Variants in ZNF605 observed in about 807,000 individuals in gnomAD.
ZNF605 encodes zinc finger protein 605.
A neutral mutation model predicts 7.9 loss-of-function variants in ZNF605; 9 were observed. That is an observed-to-expected ratio of 1.14 (90% CI 0.68 to 1.98). The LOEUF (loss-of-function observed/expected upper bound fraction) is 1.98. Among genes scored for constraint, ZNF605 ranks in the 30% most tolerant of loss-of-function variants. ZNF605 has a pLI of 0.00. For synonymous variants in ZNF605, 255 were observed against 260.1 expected, an observed-to-expected ratio of 0.98 and a Z score of 0.19; for missense variants, 673 against 762.4, an observed-to-expected ratio of 0.88 and a Z score of 1.38.
At chr12:132,929,969 C>T (rs1952290739) in intron 4 of ZNF605, among the ~76,000 whole-genome samples, 2 of 152,182 alleles carry the variant, frequency 1.3e-5, no homozygotes, top group Admixed American at 1.3e-4. Flanking sequence ...ATAAATATGT[C>T]TATCCAAATT....
chr12:132,926,578 T>C lies in ZNF605; in HGVS notation c.721A>G (p.Ile241Val), dbSNP rs1410266041. ...CCAGTATGAATTCTCTGATGTAAAA[T>C]GAGGAGTGACTTCCTACTAAAAGCT... ...QKAFSRKSLL[I>V]LHQRIHTGEK... Residue 241 changes from isoleucine to valine, a missense_variant, in exon 5 of 5, where the codon ATT becomes GTT. Physicochemically the swap from Ile to Val is conservative, Grantham distance 29. Coordinates refer to ENST00000360187, the MANE Select transcript of ZNF605 (RefSeq NM_183238.4). 6.2e-7 allele frequency: 1 copy of C among 1,614,190 alleles called. No individual in the cohort carries two copies. Among genetic ancestry groups the C allele is most frequent in the Non-Finnish European group, 8.5e-7 (1 of 1,180,032 alleles).
rs941244263 is a variant in ZNF605 at position 132,925,220 on chromosome 12, T to C, written c.*153A>G. 6 of 562,192 alleles carry C rather than the reference T, an allele frequency of 1.1e-5. No homozygotes were observed. Among genetic ancestry groups the C allele is most frequent in the South Asian group, 6.1e-5 (2 of 32,840 alleles). 34.8% of individuals were successfully genotyped at this position (562,192 alleles called of 1,614,324 possible). ...TGTTTGCTTTTTAAAAACTTCTCTTTCTAAATTCTGCTTAGTGACTCTTGA... is the reference window on the plus strand; with the variant it reads ...TGTTTGCTTTTTAAAAACTTCTCTTCCTAAATTCTGCTTAGTGACTCTTGA... On this transcript the variant is annotated 3_prime_UTR_variant, in exon 5 of 5. Transcript: ENST00000360187.
rs1245757655 is a variant in ZNF605, at chr12:132,941,802, G to A, written c.15+3819C>T. ...TCCGTCACGCGCCCTTTTCCAGGCT[G>A]CCCTCTGTCACGCTCCTTCTCGAGG... On this transcript the variant is annotated intron_variant, in intron 3 of 4. Transcript: ENST00000360187. This position sits in a 1 kb window ranked among gnomAD's most constrained non-coding sequence, Gnocchi z 5.1. 1.3e-5 allele frequency among the ~76,000 whole-genome samples: 2 copies of A among 151,586 alleles called. No homozygotes were observed. Among genetic ancestry groups the A allele is most frequent in the East Asian group, 3.9e-4 (2 of 5,160 alleles).
At position 132,920,439 on chromosome 12, in the gene ZNF605, T is replaced by A. The variant is rs1303989957; in HGVS notation, c.*4934A>T. The A allele has an allele frequency of 6.6e-6, 1 of 152,236 alleles. No homozygotes were observed. The highest frequency in any genetic ancestry group is 1.5e-5 in the Non-Finnish European group (1 of 68,072). 9.4% of individuals were successfully genotyped at this position (152,236 alleles called of 1,614,324 possible). A position where few individuals can be genotyped will look rare whatever the true frequency, so the allele number is the denominator to read the frequency against. On this transcript the variant is annotated 3_prime_UTR_variant, in exon 5 of 5. Coordinates refer to ENST00000360187, the MANE Select transcript of ZNF605 (RefSeq NM_183238.4). ...CAGGCGTGAGCCACCGCGCCTGGCCTGGTTTATTTAATGTTAGCATTCTGA... is the reference window on the plus strand; with the variant it reads ...CAGGCGTGAGCCACCGCGCCTGGCCAGGTTTATTTAATGTTAGCATTCTGA...
chr12:132,927,123 T>G lies in ZNF605; in HGVS notation c.176A>C (p.Asn59Thr), dbSNP rs1179828802. The G allele has an allele frequency of 4.4e-6, 7 of 1,580,746 alleles. No individual in the cohort carries two copies. The highest frequency in any genetic ancestry group is 5.1e-6 in the Non-Finnish European group (6 of 1,173,676). Residue 59 changes from asparagine (N) to threonine (T), a missense_variant, in exon 5 of 5, where the codon AAT becomes ACT. Transcript: ENST00000360187. ...LDNPKMWLRD[N>T]QDNLKSMERG... ...CTCCATACTTTTAAGGTTGTCTTGA[T>G]TATCTCGGAGCCACATTTTGGGATT...
At chr12:132,934,715 A>AG (rs1952345204) in intron 3 of ZNF605, among the ~76,000 whole-genome samples, 1 of 127,560 alleles carries the variant, frequency 7.8e-6, no homozygotes, top group Non-Finnish European at 1.7e-5. Flanking sequence ...AAAAAAAAAA[A>AG]AAAAAAAGAT....
chr12:132,928,613 A>C (rs1477925108), intron 4 of ZNF605, among the ~76,000 whole-genome samples: 1 of 152,200 alleles, frequency 6.6e-6, no homozygotes, highest in Admixed American at 6.5e-5. Context: ...CATATTTTAA[A>C]GGTTTATTTA....
intron 1 of ZNF605, among the ~76,000 whole-genome samples, chr12:132,954,459 TG>T (rs1593609396): frequency 1.6e-5 from 2 of 124,670 alleles, no homozygotes; most frequent in African/African-American, 6.1e-5. Flanking sequence ...AGGAGAAGGG[TG>T]GGGAGGGGAG....
At chr12:132,939,072 T>G (rs1053285950) in intron 3 of ZNF605, among the ~76,000 whole-genome samples, 1 of 147,136 alleles carries the variant, frequency 6.8e-6, no homozygotes, top group Admixed American at 6.8e-5. Flanking sequence ...CCAGCCTCCC[T>G]GACGAGCACC....
intron 3 of ZNF605, among the ~76,000 whole-genome samples, chr12:132,940,776 A>T (rs979569101): frequency 6.6e-6 from 1 of 152,074 alleles, no homozygotes. Context: ...TAGATCCACA[A>T]GTCCATGTGC....
chr12:132,940,291 C>T (rs972221458), intron 3 of ZNF605, among the ~76,000 whole-genome samples: 28 of 152,158 alleles, frequency 1.8e-4, no homozygotes, highest in African/African-American at 6.5e-4. Context: ...CGCTCTGTCC[C>T]GACTGTGATG....
chr12:132,950,252 G>C (rs1056820873), intron 1 of ZNF605, among the ~76,000 whole-genome samples: 3 of 152,054 alleles, frequency 2.0e-5, no homozygotes, highest in Non-Finnish European at 2.9e-5. Context: ...ACATCTTGTC[G>C]TCCTGAGTCC....
At position 132,925,625 on chromosome 12, in the gene ZNF605, C is replaced by A. The variant is rs1246391338; in HGVS notation, c.1674G>T (p.Glu558Asp). 6.2e-7 allele frequency: 1 copy of A among 1,614,172 alleles called. No homozygotes were observed. The highest frequency in any genetic ancestry group is 1.1e-5 in the South Asian group (1 of 91,076). Residue 558 changes from glutamate to aspartate, a missense_variant, in exon 5 of 5, where the codon GAG becomes GAT. Coordinates refer to ENST00000360187, the MANE Select transcript of ZNF605 (RefSeq NM_183238.4). ...CACAATCGCTGCATCCATAGGTTTTCTCTCCTGTGTGATTTCTTTGATGCT... is the reference window on the plus strand; with the variant it reads ...CACAATCGCTGCATCCATAGGTTTTATCTCCTGTGTGATTTCTTTGATGCT... ...LIKHQRNHTG[E>D]KTYGCSDCAK... is the part of the protein sequence containing the mutation.
At chr12:132,951,235 ACT>A (rs1420739570) in intron 1 of ZNF605, among the ~76,000 whole-genome samples, 2 of 151,482 alleles carry the variant, frequency 1.3e-5, no homozygotes, top group Admixed American at 6.6e-5. Flanking sequence ...TCACACATAC[ACT>A]CAGACACGTA....
intron 4 of ZNF605, among the ~76,000 whole-genome samples, chr12:132,930,907 G>A (rs1422869998): frequency 5.9e-5 from 9 of 152,150 alleles, no homozygotes; most frequent in Non-Finnish European, 1.3e-4. Context: ...TCCCTGCTGT[G>A]CATTATGGCT....
intron 1 of ZNF605, among the ~76,000 whole-genome samples, chr12:132,952,454 A>G (rs1593606945): frequency 9.4e-6 from 1 of 106,290 alleles, no homozygotes; most frequent in East Asian, 2.3e-4. Context: ...CTGTCTCAAA[A>G]AAAAAAAAAA....
intron 3 of ZNF605, among the ~76,000 whole-genome samples, chr12:132,939,597 G>A (rs1403623865): frequency 4.6e-5 from 7 of 152,042 alleles, no homozygotes; most frequent in African/African-American, 9.7e-5. Flanking sequence ...GATTGTAAAC[G>A]CACCAATCAG....
chr12:132,950,220 G>A (rs905510069), intron 1 of ZNF605, among the ~76,000 whole-genome samples: 3 of 152,032 alleles, frequency 2.0e-5, no homozygotes, highest in Non-Finnish European at 4.4e-5. Context: ...GACCTCCTCC[G>A]GCTGCTTCTC....
chr12:132,925,396 G>A lies in ZNF605; in HGVS notation c.1903C>T (p.His635Tyr), dbSNP rs1437379804. Reference protein sequence around the residue: ...TFNRKSQLMIHQRNHII With the variant: ...TFNRKSQLMIYQRNHII The stretch of plus-strand genomic sequence containing the variant: ...TTTTATATTATATGATTTCTCTGAT[G>A]TATCATAAGCTGCGACTTCCTGTTG... Residue 635 changes from histidine to tyrosine, a missense_variant, in exon 5 of 5, where the codon CAT becomes TAT. Physicochemically the swap from His to Tyr is moderately conservative, Grantham distance 83. Coordinates refer to ENST00000360187, the MANE Select transcript of ZNF605 (RefSeq NM_183238.4). The A allele has an allele frequency of 1.3e-6, 2 of 1,589,264 alleles. No homozygotes were observed. Among genetic ancestry groups the A allele is most frequent in the South Asian group, 2.3e-5 (2 of 87,616 alleles).
Sources: allele counts gnomAD v4.1 joint callset (sites outside exome capture counted in the v4.1 genomes callset), GRCh38; gene constraint gnomAD v4.1.1; non-coding constraint Gnocchi (gnomAD v3.1); transcripts MANE v1.5; gene names NCBI Gene and HGNC (gene_info 2026-07-23, HGNC 2026-07-21).